Variants in CASQ1 observed in about 807,000 individuals in gnomAD.
The protein encoded by CASQ1 is calsequestrin 1.
In CASQ1, 40 loss-of-function variants were observed where a neutral mutation model predicts 49.5. That is an observed-to-expected ratio of 0.81 (90% confidence interval 0.63 to 1.05). The LOEUF (loss-of-function observed/expected upper bound fraction) is 1.05, where lower values mean the gene tolerates loss of function less well. Ranked by LOEUF, CASQ1 falls within the 50% of genes least tolerant of loss-of-function variation. The pLI, the probability that CASQ1 is intolerant of heterozygous loss-of-function variation, is 0.00. For synonymous variants in CASQ1, 174 were observed against 187.2 expected, an observed-to-expected ratio of 0.93 and a Z score of 0.58; for missense variants, 469 against 486.9, an observed-to-expected ratio of 0.96 and a Z score of 0.35.
rs1654329024 is a variant in CASQ1, at chr1:160,199,835, T to TAAG, written c.985-16_985-15insAAG. The TAAG allele has an allele frequency of 6.3e-7, 1 of 1,575,964 alleles. No individual in the cohort carries two copies. Among genetic ancestry groups the TAAG allele is most frequent in the Non-Finnish European group, 8.7e-7 (1 of 1,145,140 alleles). ...CCTAGTATCTATTAAGTTGCTGTAT[T>TAAG]TTGATCTCTCTACAGCTGGTCCCAT... is the stretch of plus-strand genomic sequence containing the variant. On this transcript the variant is annotated splice_polypyrimidine_tract_variant and intron_variant, in intron 9 of 10. Transcript: ENST00000368078.
chr1:160,193,953 C>T (rs371792545), intron 3 of CASQ1, 106 bp downstream of exon 3: 1 of 700,958 alleles, frequency 1.4e-6, no homozygotes, highest in Admixed American at 2.2e-5. Context: ...CACACACACA[C>T]ACATACACCA....
intron 2 of CASQ1, 138 bp from the exon 3 acceptor site, chr1:160,193,609 C>T: frequency 1.7e-6 from 1 of 578,262 alleles, no homozygotes; most frequent in Non-Finnish European, 3.1e-6. Flanking sequence ...GTGGGTGGGG[C>T]AACGGGCCCA....
chr1:160,199,160 G>T, intron 9 of CASQ1, 107 bp downstream of exon 9: 2 of 777,488 alleles, frequency 2.6e-6, no homozygotes, highest in Non-Finnish European at 4.6e-6. Context: ...CTCCTAGCTG[G>T]GGGGCCCTGG....
At chr1:160,195,676 T>G in intron 5 of CASQ1, 142 bp downstream of exon 5, 1 of 668,494 alleles carries the variant, frequency 1.5e-6, no homozygotes, top group Non-Finnish European at 2.4e-6. Flanking sequence ...CTCCTCCCAC[T>G]CCATAGATTT....
In CASQ1 at chr1:160,201,448, G is replaced by GGAGGAACTCAGGGA; in HGVS notation, c.*72_*73insGAGGAACTCAGGGA. On this transcript the variant is annotated 3_prime_UTR_variant, in exon 11 of 11. Transcript: ENST00000368078. ...CTCCTGCCTTCCCTTGTCCTTCCCTGAGTTCCTCCAGGGAGACTAGGTTAT... is the reference window on the plus strand; with the variant it reads ...CTCCTGCCTTCCCTTGTCCTTCCCTGGAGGAACTCAGGGAAGTTCCTCCAGGGAGACTAGGTTAT... 3.2e-6 allele frequency: 5 copies of GGAGGAACTCAGGGA among 1,545,290 alleles called. No homozygotes were observed. Among genetic ancestry groups the GGAGGAACTCAGGGA allele is most frequent in the Non-Finnish European group, 4.4e-6 (5 of 1,128,308 alleles).
At chr1:160,196,691 G>C (rs1005280022) in intron 6 of CASQ1, among the ~76,000 whole-genome samples, 1 of 152,138 alleles carries the variant, frequency 6.6e-6, no homozygotes, top group Non-Finnish European at 1.5e-5. Flanking sequence ...GGCCTGGCTG[G>C]TCTCAAACTC....
At chr1:160,197,110 G>A (rs1430388979) in intron 6 of CASQ1, among the ~76,000 whole-genome samples, 1 of 152,062 alleles carries the variant, frequency 6.6e-6, no homozygotes, top group Non-Finnish European at 1.5e-5. Flanking sequence ...TGTCCCCCAG[G>A]CTAGCGTGCA....
chr1:160,195,288 G>C (rs553494328), intron 4 of CASQ1, among the ~76,000 whole-genome samples, 165 bp downstream of exon 4: 1 of 152,204 alleles, frequency 6.6e-6, no homozygotes, highest in East Asian at 1.9e-4. Context: ...CTGTACTCTG[G>C]GGGTTCCCAG....
Position 160,195,090 on chromosome 1 carries a change from C to T in CASQ1, c.544C>T (p.Leu182Phe), listed in dbSNP as rs770179304. Residue 182 changes from leucine to phenylalanine, a missense_variant, in exon 4 of 11, where the codon CTC becomes TTC. Transcript: ENST00000368078. ...TGAGAATATTGAGGATGAGATCAAA[C>T]TCATTGGCTACTTCAAGAGCAAAGA... is the stretch of plus-strand genomic sequence containing the variant. ...AFENIEDEIK[L>F]IGYFKSKDSE... is the part of the protein sequence containing the mutation. 19 of 1,612,492 alleles carry T rather than the reference C, an allele frequency of 1.2e-5. No individual in the cohort carries two copies. The African/African-American group carries it at 1.3e-4, about 11-fold the overall frequency.
At chr1:160,193,877 G>C in intron 3 of CASQ1, 30 bp downstream of exon 3, 1 of 1,489,402 alleles carries the variant, frequency 6.7e-7, no homozygotes, top group Non-Finnish European at 9.4e-7. Flanking sequence ...TGACGGCCTT[G>C]CTTGAAAACT....
At chr1:160,199,463 A>AAC (rs1326151183) in intron 9 of CASQ1, among the ~76,000 whole-genome samples, 1 of 152,214 alleles carries the variant, frequency 6.6e-6, no homozygotes, top group Non-Finnish European at 1.5e-5. Flanking sequence ...TAACTGAAAG[A>AAC]ACAAAGAGAA....
chr1:160,198,582 C>T (rs536199893), intron 7 of CASQ1, 95 bp from the exon 8 acceptor site: 12 of 870,136 alleles, frequency 1.4e-5, no homozygotes, highest in Non-Finnish European at 2.2e-5. Flanking sequence ...AATTGAGGTT[C>T]AATGAACATC....
intron 7 of CASQ1, 38 bp downstream of exon 7, chr1:160,197,652 C>T (rs776651520): frequency 2.1e-6 from 3 of 1,433,624 alleles, no homozygotes; most frequent in Middle Eastern, 1.7e-4. Context: ...CTCAGGGAAG[C>T]ATGGGTGCCA....
At chr1:160,192,011 C>T (rs1294396616) in intron 1 of CASQ1, among the ~76,000 whole-genome samples, 1 of 152,208 alleles carries the variant, frequency 6.6e-6, no homozygotes, top group African/African-American at 2.4e-5. Context: ...CGCCTCCCTT[C>T]CCCACCCCTC....
In CASQ1 at chr1:160,199,839, A is replaced by G. The variant is rs758984478; in HGVS notation, c.985-12A>G. On this transcript the variant is annotated splice_polypyrimidine_tract_variant and intron_variant, in intron 9 of 10. Coordinates refer to ENST00000368078, the MANE Select transcript of CASQ1 (RefSeq NM_001231.5). ...GTATCTATTAAGTTGCTGTATTTTG[A>G]TCTCTCTACAGCTGGTCCCATACTG... is the stretch of plus-strand genomic sequence containing the variant. The G allele has an allele frequency of 6.3e-7, 1 of 1,589,606 alleles. No homozygotes were observed.
Position 160,195,981 on chromosome 1 carries a change from C to T in CASQ1, c.736C>T (p.Pro246Ser). 6.2e-7 allele frequency: 1 copy of T among 1,614,046 alleles called. No individual in the cohort carries two copies. Among genetic ancestry groups the T allele is most frequent in the Non-Finnish European group, 8.5e-7 (1 of 1,179,990 alleles). ...AGAGCCTGTGACCATCCCAGACAAG[C>T]CCAATAGCGAAGAGGAGATTGTCAA... ...MEEPVTIPDKPNSEEEIVNFV... is the reference protein window; with the variant it reads ...MEEPVTIPDKSNSEEEIVNFV... The change falls in exon 6 of 11, where the codon CCC becomes TCC. Residue 246 changes from proline to serine, a missense_variant. Transcript: ENST00000368078.
chr1:160,194,239 C>A (rs1212440122), intron 3 of CASQ1, among the ~76,000 whole-genome samples: 3 of 147,568 alleles, frequency 2.0e-5, no homozygotes, highest in Non-Finnish European at 4.5e-5. Context: ...ACACCACATG[C>A]ACATACACAA....
At chr1:160,199,592 G>A (rs1171727980) in intron 9 of CASQ1, among the ~76,000 whole-genome samples, 1 of 152,208 alleles carries the variant, frequency 6.6e-6, no homozygotes, top group Non-Finnish European at 1.5e-5. Flanking sequence ...GATCAGAACA[G>A]GGTTTCCTAT....
intron 5 of CASQ1, 149 bp downstream of exon 5, chr1:160,195,683 AT>A: frequency 1.3e-6 from 1 of 777,016 alleles, no homozygotes; most frequent in Non-Finnish European, 2.1e-6. Flanking sequence ...CACTCCATAG[AT>A]TTAGAGCTGA....
Sources: allele counts gnomAD v4.1 joint callset (sites outside exome capture counted in the v4.1 genomes callset), GRCh38; gene constraint gnomAD v4.1.1; transcripts MANE v1.5; gene names NCBI Gene and HGNC (gene_info 2026-07-23, HGNC 2026-07-21).